MCC: variants seen among roughly 807,000 people sequenced by gnomAD.
MCC encodes the protein colorectal mutant cancer protein.
Under a neutral mutation model 116.2 loss-of-function variants are expected in MCC, and 90 were observed. The observed-to-expected ratio is 0.77, with a 90% CI of 0.65 to 0.92. The LOEUF (loss-of-function observed/expected upper bound fraction) is 0.92. Ranked by LOEUF, MCC falls within the 40% of genes least tolerant of loss-of-function variation. The probability of loss-of-function intolerance (pLI) is 0.00; values close to 1 mark genes in which losing one functional copy is unlikely to be tolerated. For missense variants in MCC, 1,516 were observed against 1,312.2 expected (o/e 1.16, Z -2.40); for synonymous variants, 578 against 510.5 (o/e 1.13, Z -1.78).
intron 3 of MCC, among the ~76,000 whole-genome samples, chr5:113,164,706 C>G (rs1188745382): frequency 6.6e-6 from 1 of 152,220 alleles, no homozygotes; most frequent in African/African-American, 2.4e-5. Flanking sequence ...CCAAGCTGAC[C>G]TGTCACATTT....
chr5:113,160,145 T>C (rs1760403815), intron 3 of MCC, among the ~76,000 whole-genome samples: 1 of 152,152 alleles, frequency 6.6e-6, no homozygotes, highest in South Asian at 2.1e-4. Flanking sequence ...TAGGGAACAG[T>C]GCCAGATCAC....
At chr5:113,287,607 G>A (rs1262332830) in intron 3 of MCC, among the ~76,000 whole-genome samples, 3 of 152,164 alleles carry the variant, frequency 2.0e-5, no homozygotes, top group Non-Finnish European at 4.4e-5. Context: ...TTACAGGCAT[G>A]AGCCACCACG....
chr5:113,038,590 A>C (rs1264191030), intron 17 of MCC, among the ~76,000 whole-genome samples: 1 of 151,976 alleles, frequency 6.6e-6, no homozygotes, highest in Non-Finnish European at 1.5e-5. Flanking sequence ...ACCTGATGTG[A>C]ATGTTTGGGG....
chr5:113,171,769 G>C (rs1761084629), intron 3 of MCC, among the ~76,000 whole-genome samples: 1 of 152,112 alleles, frequency 6.6e-6, no homozygotes, highest in Admixed American at 6.6e-5. Context: ...TGTGGCAAGG[G>C]AATTCTCCAG....
chr5:113,408,961 A>G lies in MCC; in HGVS notation c.171-23749T>C, dbSNP rs1769907550. On this transcript the variant is annotated intron_variant, in intron 1 of 18. Coordinates refer to ENST00000408903, the MANE Select transcript of MCC (RefSeq NM_001085377.2). ...TGAATGAAGTTTTCACAGCTTAAAC[A>G]AAAGTTTGAAACTCACTGTTTAGAG... is the stretch of plus-strand genomic sequence containing the variant. 2.0e-5 allele frequency among the ~76,000 whole-genome samples: 3 copies of G among 152,224 alleles called. No individual in the cohort carries two copies. In the South Asian group the frequency reaches 6.2e-4, roughly 32 times the overall value.
At chr5:113,336,088 G>C (rs1253900751) in intron 3 of MCC, among the ~76,000 whole-genome samples, 3 of 151,428 alleles carry the variant, frequency 2.0e-5, no homozygotes, top group African/African-American at 4.9e-5. Context: ...GAAGGTGAGA[G>C]AAAAAGAAAG....
At chr5:113,113,150 A>C (rs1391302804) in intron 6 of MCC, among the ~76,000 whole-genome samples, 1 of 152,210 alleles carries the variant, frequency 6.6e-6, no homozygotes, top group African/African-American at 2.4e-5. Flanking sequence ...ATGCCTGGTA[A>C]AGCAATTCAA....
intron 15 of MCC, among the ~76,000 whole-genome samples, chr5:113,052,246 A>G (rs1752533050): frequency 6.6e-6 from 1 of 152,244 alleles, no homozygotes; most frequent in Non-Finnish European, 1.5e-5. Flanking sequence ...AATGTTTGGA[A>G]CAAATGATGG....
chr5:113,083,712 C>T (rs1477385871), intron 10 of MCC, among the ~76,000 whole-genome samples: 1 of 152,170 alleles, frequency 6.6e-6, no homozygotes, highest in African/African-American at 2.4e-5. Flanking sequence ...CATTCCTCCT[C>T]AGTGGAAAGC....
chr5:113,457,477 C>T (rs1771605043), intron 1 of MCC, among the ~76,000 whole-genome samples: 4 of 152,234 alleles, frequency 2.6e-5, no homozygotes. Context: ...GAGCACAGCC[C>T]CCTGCTCCAC....
chr5:113,133,502 T>C (rs997773845), intron 5 of MCC, among the ~76,000 whole-genome samples: 33 of 152,158 alleles, frequency 2.2e-4, no homozygotes, highest in Admixed American at 8.5e-4. Flanking sequence ...AATATTCTAT[T>C]GTGTGTATCT....
At chr5:113,140,011 T>G (rs1400995076) in intron 5 of MCC, among the ~76,000 whole-genome samples, 1 of 152,166 alleles carries the variant, frequency 6.6e-6, no homozygotes, top group South Asian at 2.1e-4. Context: ...GAGAAAATAT[T>G]TGCAAACTAT....
intron 3 of MCC, among the ~76,000 whole-genome samples, chr5:113,320,489 G>C (rs1440249374): frequency 6.6e-6 from 1 of 151,164 alleles, no homozygotes; most frequent in Non-Finnish European, 1.5e-5. Flanking sequence ...GTCATCTTGG[G>C]AGGAACACAG....
At chr5:113,141,775 T>C (rs1236968043) in intron 5 of MCC, among the ~76,000 whole-genome samples, 1 of 152,240 alleles carries the variant, frequency 6.6e-6, no homozygotes, top group African/African-American at 2.4e-5. Context: ...TGAAGCAGTT[T>C]GGTCATTACA....
chr5:113,286,626 C>G (rs1041010468), intron 3 of MCC, among the ~76,000 whole-genome samples: 1 of 152,204 alleles, frequency 6.6e-6, no homozygotes, highest in Non-Finnish European at 1.5e-5. Flanking sequence ...CTTCACCACA[C>G]AAATTTCCCA....
chr5:113,394,598 T>C (rs988481838), intron 1 of MCC, among the ~76,000 whole-genome samples: 1 of 152,230 alleles, frequency 6.6e-6, no homozygotes, highest in African/African-American at 2.4e-5. Context: ...TGCACATGTT[T>C]GTCCCTCTGC....
intron 5 of MCC, among the ~76,000 whole-genome samples, chr5:113,124,664 G>A (rs913299534): frequency 8.5e-5 from 13 of 152,240 alleles, no homozygotes; most frequent in African/African-American, 3.1e-4. Context: ...GTATGGGAAA[G>A]GGAAGCTGTT....
At chr5:113,097,849 T>C (rs1008273038) in intron 8 of MCC, among the ~76,000 whole-genome samples, 2 of 152,146 alleles carry the variant, frequency 1.3e-5, no homozygotes, top group African/African-American at 4.8e-5. Context: ...TGGTTCAAAA[T>C]AGCATGTCTA....
chr5:113,168,277 T>C (rs934368346), intron 3 of MCC, among the ~76,000 whole-genome samples: 6 of 152,168 alleles, frequency 3.9e-5, no homozygotes, highest in Admixed American at 2.0e-4. Context: ...AACTTACATA[T>C]GGAATATTAA....
Sources: allele counts gnomAD v4.1 joint callset (sites outside exome capture counted in the v4.1 genomes callset), GRCh38; gene constraint gnomAD v4.1.1; transcripts MANE v1.5; gene names NCBI Gene and HGNC (gene_info 2026-07-23, HGNC 2026-07-21).